RAB11FIP3: variants seen among roughly 807,000 people sequenced by gnomAD.
RAB11FIP3 encodes the protein RAB11 family interacting protein 3.
Under a neutral mutation model 77.8 loss-of-function variants are expected in RAB11FIP3, and 17 were observed. The observed-to-expected ratio is 0.22, with a 90% CI of 0.15 to 0.33. The LOEUF (loss-of-function observed/expected upper bound fraction) is 0.33. Ranked by LOEUF, RAB11FIP3 falls within the 10% of genes least tolerant of loss-of-function variation. The pLI is 1.00. For missense variants in RAB11FIP3, 1,005 were observed against 1,011.2 expected (o/e 0.99, Z 0.08); for synonymous variants, 437 against 448.2 (o/e 0.98, Z 0.31).
Position 461,010 on chromosome 16 carries a change from T to C in RAB11FIP3, c.715-394T>C, listed in dbSNP as rs189722616. Among the ~76,000 whole-genome samples, 200 of 150,688 alleles carry C rather than the reference T, an allele frequency of 1.3e-3. No individual in the cohort carries two copies. The highest frequency in any genetic ancestry group is 2.2e-3 in the Admixed American group (34 of 15,266). On this transcript the variant is annotated intron_variant, in intron 1 of 13. Transcript: ENST00000262305. The surrounding 1 kb of genome is among the most constrained non-coding windows in gnomAD (Gnocchi z 4.5). ...TGTGGTGAAAAAGCCAAGCTCGCGA[T>C]ACAGCCTAATCCCGATTCCCTAAAG...
intron 1 of RAB11FIP3, chr16:439,211 G>C (rs1212211960): frequency 1.3e-5 from 2 of 152,228 alleles, no homozygotes; most frequent in African/African-American, 4.8e-5. Flanking sequence ...GATTAGGGAG[G>C]AAAATAAATT....
chr16:467,438 G>GTCAGGGAGGAGGTGCTGGGACC (rs2055721924), intron 2 of RAB11FIP3, among the ~76,000 whole-genome samples: 1 of 148,110 alleles, frequency 6.8e-6, no homozygotes, highest in Non-Finnish European at 1.5e-5. Context: ...GTGCTGGGAC[G>GTCAGGGAGGAGGTGCTGGGACC]TCAGGGAGGA....
rs761466936 is a variant in RAB11FIP3 at position 510,692 on chromosome 16, A to G, written c.1532A>G (p.Gln511Arg). 3.1e-6 allele frequency: 5 copies of G among 1,611,746 alleles called. No homozygotes were observed. The South Asian group carries it at 3.3e-5, about 11-fold the overall frequency. Residue 511 changes from glutamine to arginine, a missense_variant, in exon 9 of 14, where the codon CAG becomes CGG. Physicochemically the swap from Gln to Arg is conservative, Grantham distance 43. This residue lies in a region of RAB11FIP3 where 433 missense variants were observed against 436.1 expected (regional missense o/e 0.99). Transcript: ENST00000262305. ...ANALEEQLKE[Q>R]ELRACEMVLE... ...GCCCTGGAGGAGCAGCTGAAGGAGC[A>G]GGAGCTGAGAGCCTGCGAGATGGTC... is the stretch of plus-strand genomic sequence containing the variant.
Position 471,250 on chromosome 16 carries a change from G to T in RAB11FIP3, c.809-45G>T. The T allele has an allele frequency of 6.5e-7, 1 of 1,538,978 alleles. No individual in the cohort carries two copies. Among genetic ancestry groups the T allele is most frequent in the Non-Finnish European group, 9.0e-7 (1 of 1,114,282 alleles). ...GAGGCCGCCAGGGGTCCCGTCACTG[G>T]GTGGCTATGGGTGGCCTGTTGAGCA... On this transcript the variant is annotated intron_variant, in intron 2 of 13. Coordinates refer to ENST00000262305, the MANE Select transcript of RAB11FIP3 (RefSeq NM_014700.4). The surrounding 1 kb of genome is among the most constrained non-coding windows in gnomAD (Gnocchi z 4.4).
rs2055825022 is a variant in RAB11FIP3, at chr16:472,373, A to T, written c.903+984A>T. 3.3e-5 allele frequency among the ~76,000 whole-genome samples: 5 copies of T among 152,228 alleles called. No individual in the cohort carries two copies. In the South Asian group the frequency reaches 8.3e-4, roughly 25 times the overall value. On this transcript the variant is annotated intron_variant, in intron 3 of 13. Transcript: ENST00000262305. The surrounding 1 kb of genome is among the most constrained non-coding windows in gnomAD (Gnocchi z 4.1). ...TGCAGCTTCTGGGGCCAGGGCGCCC[A>T]CCGTGGGTCCCATGTTTGGCCTTGG...
rs1478458910 is a variant in RAB11FIP3 at position 507,538 on chromosome 16, T to C, written c.1499+1911T>C. ...CTGAAATCAGAGGCGTGAGCCACCATGTCCAGCCTAGATGCCTTTGTCGAG... is the reference window on the plus strand; with the variant it reads ...CTGAAATCAGAGGCGTGAGCCACCACGTCCAGCCTAGATGCCTTTGTCGAG... On this transcript the variant is annotated intron_variant, in intron 8 of 13. Coordinates refer to ENST00000262305, the MANE Select transcript of RAB11FIP3 (RefSeq NM_014700.4). The surrounding 1 kb of genome is among the most constrained non-coding windows in gnomAD (Gnocchi z 4.6). 3.9e-5 allele frequency among the ~76,000 whole-genome samples: 6 copies of C among 152,244 alleles called. No individual in the cohort carries two copies. Among genetic ancestry groups the C allele is most frequent in the Non-Finnish European group, 5.9e-5 (4 of 68,052 alleles).
intron 6 of RAB11FIP3, among the ~76,000 whole-genome samples, chr16:499,291 C>T (rs1010618066): frequency 7.9e-5 from 12 of 152,198 alleles, no homozygotes; most frequent in Admixed American, 7.9e-4. Context: ...GTTACCACTT[C>T]AGCATCACCT....
chr16:462,936 C>A (rs950218723), intron 2 of RAB11FIP3, among the ~76,000 whole-genome samples: 3 of 152,186 alleles, frequency 2.0e-5, no homozygotes, highest in East Asian at 1.9e-4. Flanking sequence ...CGATCCGTTG[C>A]GTGCTTGTGC....
At chr16:497,430 G>A (rs2031229365) in intron 6 of RAB11FIP3, 3 of 1,247,064 alleles carry the variant, frequency 2.4e-6, no homozygotes, top group African/African-American at 3.1e-5. Flanking sequence ...GCTGCCGGGT[G>A]GCCTCTGCTG....
chr16:492,392 C>T (rs1321287817), intron 5 of RAB11FIP3, among the ~76,000 whole-genome samples: 19 of 131,806 alleles, frequency 1.4e-4, no homozygotes, highest in African/African-American at 6.2e-4. Context: ...GCCCAGAGCC[C>T]TCCCCGGGAG....
At chr16:473,522 G>A (rs184087714) in intron 3 of RAB11FIP3, among the ~76,000 whole-genome samples, 4 of 152,094 alleles carry the variant, frequency 2.6e-5, no homozygotes, top group African/African-American at 7.2e-5. Context: ...CACAACCTTC[G>A]CCTCCTGCGC....
chr16:490,208 T>C (rs2030052169), intron 5 of RAB11FIP3, among the ~76,000 whole-genome samples: 1 of 152,254 alleles, frequency 6.6e-6, no homozygotes, highest in Non-Finnish European at 1.5e-5. Context: ...TCCCACAGCA[T>C]GTGGGTCCCA....
At position 471,700 on chromosome 16, in the gene RAB11FIP3, G is replaced by A. The variant is rs2055812530; in HGVS notation, c.903+311G>A. The stretch of plus-strand genomic sequence containing the variant: ...GGCACAGGCGGAGCAGAGGGCTTGG[G>A]AGGATTCCTTTTGTCAACTTGCAAA... On this transcript the variant is annotated intron_variant, in intron 3 of 13. Transcript: ENST00000262305. This position sits in a 1 kb window ranked among gnomAD's most constrained non-coding sequence, Gnocchi z 4.4. Among the ~76,000 whole-genome samples the A allele has an allele frequency of 6.6e-6, 1 of 152,184 alleles. No individual in the cohort carries two copies. Among genetic ancestry groups the A allele is most frequent in the African/African-American group, 2.4e-5 (1 of 41,442 alleles).
chr16:467,545 G>A (rs1314684083), intron 2 of RAB11FIP3, among the ~76,000 whole-genome samples: 103 of 140,184 alleles, frequency 7.3e-4, no homozygotes, highest in African/African-American at 2.7e-3. Context: ...GAGGTGCAGG[G>A]GCCTCAGGGA....
rs2032628299 is a variant in RAB11FIP3 at position 520,377 on chromosome 16, G to A, written c.2017-82G>A. 21 of 1,590,542 alleles carry A rather than the reference G, an allele frequency of 1.3e-5. No homozygotes were observed. The South Asian group carries it at 1.5e-4, about 11-fold the overall frequency. Reference sequence around the variant, plus strand: ...TGGAGGGTCAGCATCTGAGCTGGAGGCCTTTTTCCCCGGGCAGTCCTTGTC... The same window carrying A: ...TGGAGGGTCAGCATCTGAGCTGGAGACCTTTTTCCCCGGGCAGTCCTTGTC... On this transcript the variant is annotated intron_variant, in intron 12 of 13. Coordinates refer to ENST00000262305, the MANE Select transcript of RAB11FIP3 (RefSeq NM_014700.4).
intron 1 of RAB11FIP3, among the ~76,000 whole-genome samples, chr16:442,674 G>C (rs1248907406): frequency 2.0e-5 from 3 of 152,180 alleles, no homozygotes; most frequent in African/African-American, 7.2e-5. Flanking sequence ...CCAAAGCACA[G>C]AGATGTGATT....
intron 7 of RAB11FIP3, among the ~76,000 whole-genome samples, chr16:503,927 AC>A (rs1189619166): frequency 3.5e-5 from 4 of 114,736 alleles, no homozygotes; most frequent in Non-Finnish European, 7.2e-5. Flanking sequence ...TTACTCCTGT[AC>A]CCCCTCAATT....
intron 3 of RAB11FIP3, among the ~76,000 whole-genome samples, chr16:480,156 G>C (rs1334140906): frequency 1.3e-5 from 2 of 150,392 alleles, no homozygotes; most frequent in African/African-American, 4.9e-5. Flanking sequence ...GTGGTGGCAC[G>C]CATCTATAAT....
chr16:472,534 C>A lies in RAB11FIP3; in HGVS notation c.903+1145C>A, dbSNP rs1166256070. 6.6e-6 allele frequency among the ~76,000 whole-genome samples: 1 copy of A among 152,198 alleles called. No individual in the cohort carries two copies. The highest frequency in any genetic ancestry group is 2.4e-5 in the African/African-American group (1 of 41,448). On this transcript the variant is annotated intron_variant, in intron 3 of 13. Transcript: ENST00000262305. This position sits in a 1 kb window ranked among gnomAD's most constrained non-coding sequence, Gnocchi z 4.1. Reference sequence around the variant, plus strand: ...AGGACTACAGACGGTGGCTCCTGTGCCCTGAGAAGGACCCGGCTTCTTCAC... The same window carrying A: ...AGGACTACAGACGGTGGCTCCTGTGACCTGAGAAGGACCCGGCTTCTTCAC...
Sources: allele counts gnomAD v4.1 joint callset (sites outside exome capture counted in the v4.1 genomes callset), GRCh38; gene constraint gnomAD v4.1.1; regional missense constraint gnomAD v4.1.1; non-coding constraint Gnocchi (gnomAD v3.1); transcripts MANE v1.5; gene names NCBI Gene and HGNC (gene_info 2026-07-23, HGNC 2026-07-21).